Variants in ERICH3 observed in about 807,000 individuals in gnomAD.
ERICH3 encodes glutamate-rich protein 3.
ERICH3 carries 126 observed loss-of-function variants against 131.1 expected under a neutral mutation model. The ratio of observed to expected loss-of-function variants is 0.96; its 90% CI spans 0.83 to 1.11. The LOEUF is 1.11. Ranked by LOEUF, ERICH3 falls within the 50% of genes most tolerant of loss-of-function variation. ERICH3 has a pLI of 0.00. For missense variants in ERICH3, 2,050 were observed against 1,810.7 expected (o/e 1.13, Z -2.40); for synonymous variants, 695 against 644.6 (o/e 1.08, Z -1.18).
chr1:74,655,892 C>T (rs531030530), intron 1 of ERICH3, among the ~76,000 whole-genome samples: 17 of 152,268 alleles, frequency 1.1e-4, no homozygotes. Context: ...ATTTATTTCT[C>T]ACAATACTGG....
chr1:74,640,771 G>T (rs1271711669), intron 5 of ERICH3, among the ~76,000 whole-genome samples: 1 of 152,072 alleles, frequency 6.6e-6, no homozygotes, highest in South Asian at 2.1e-4. Flanking sequence ...TTTAGAGTAT[G>T]TGCACAGACT....
intron 12 of ERICH3, among the ~76,000 whole-genome samples, chr1:74,581,554 G>A (rs1006530434): frequency 6.6e-6 from 1 of 152,054 alleles, no homozygotes; most frequent in African/African-American, 2.4e-5. Flanking sequence ...TTTTTCTGGT[G>A]AGAGTTAATT....
At chr1:74,573,849 G>A (rs977423769) in intron 13 of ERICH3, among the ~76,000 whole-genome samples, 1 of 151,750 alleles carries the variant, frequency 6.6e-6, no homozygotes, top group African/African-American at 2.4e-5. Flanking sequence ...TCTTTCTCTT[G>A]GCTTCCTCTT....
intron 1 of ERICH3, among the ~76,000 whole-genome samples, chr1:74,668,693 A>G (rs1454303102): frequency 6.6e-6 from 1 of 152,202 alleles, no homozygotes; most frequent in Non-Finnish European, 1.5e-5. Flanking sequence ...ATATACATAT[A>G]TATATTTAAA....
intron 8 of ERICH3, among the ~76,000 whole-genome samples, chr1:74,617,812 G>T (rs1343509642): frequency 6.6e-6 from 1 of 152,132 alleles, no homozygotes; most frequent in Non-Finnish European, 1.5e-5. Flanking sequence ...TGAATTATAT[G>T]CTTACAATGA....
chr1:74,582,277 C>T (rs1187275918), intron 12 of ERICH3, among the ~76,000 whole-genome samples: 1 of 152,156 alleles, frequency 6.6e-6, no homozygotes, highest in Non-Finnish European at 1.5e-5. Context: ...GAGGATGCTC[C>T]TCTTTCTCAT....
At chr1:74,636,529 T>C (rs1473492168) in intron 5 of ERICH3, 91 bp from the exon 6 acceptor site, 15 of 1,267,462 alleles carry the variant, frequency 1.2e-5, no homozygotes, top group Non-Finnish European at 1.6e-5. Flanking sequence ...CCTAGAGTAA[T>C]TAATGGTGCC....
intron 13 of ERICH3, among the ~76,000 whole-genome samples, chr1:74,574,295 T>C (rs1253987394): frequency 6.6e-6 from 1 of 152,170 alleles, no homozygotes; most frequent in African/African-American, 2.4e-5. Context: ...CTGAACTCAT[T>C]ATTTTCTGTA....
At chr1:74,617,888 A>G (rs190395556) in intron 8 of ERICH3, among the ~76,000 whole-genome samples, 16 of 152,340 alleles carry the variant, frequency 1.1e-4, no homozygotes, top group Non-Finnish European at 1.6e-4. Flanking sequence ...AAAAAAGTCA[A>G]TGATAAAAGA....
At position 74,673,611 on chromosome 1, in the gene ERICH3, G is replaced by A. The variant is rs1646762443; in HGVS notation, c.-92C>T. On this transcript the variant is annotated 5_prime_UTR_variant, in exon 1 of 15. Coordinates refer to ENST00000326665, the MANE Select transcript of ERICH3 (RefSeq NM_001002912.5). ...CTGGCGCTGCGACAGTCGCGCTCGA[G>A]GGGTGGCTCCGCACCGAGGTCCCCT... 6.8e-7 allele frequency: 1 copy of A among 1,466,156 alleles called. No individual in the cohort carries two copies. Among genetic ancestry groups the A allele is most frequent in the African/African-American group, 1.4e-5 (1 of 69,430 alleles). The allele number at this position is 1,466,156 out of a possible 1,614,324, so 90.8% of individuals were successfully genotyped here.
intron 10 of ERICH3, among the ~76,000 whole-genome samples, chr1:74,604,129 A>C (rs1227058087): frequency 6.6e-6 from 1 of 151,936 alleles, no homozygotes; most frequent in Non-Finnish European, 1.5e-5. Flanking sequence ...CATTTCAACA[A>C]TGTTCATGGC....
chr1:74,667,350 G>C (rs1052983566), intron 1 of ERICH3, among the ~76,000 whole-genome samples: 1 of 152,140 alleles, frequency 6.6e-6, no homozygotes, highest in African/African-American at 2.4e-5. Context: ...TATTTAAACT[G>C]ACTGACATGT....
chr1:74,571,123 C>G lies in ERICH3; in HGVS notation c.4587G>C (p.Gln1529His), dbSNP rs1430593936. The change falls in exon 14 of 15, where the codon CAG (glutamine) becomes CAC (histidine). Residue 1529 changes from glutamine to histidine, a missense_variant. Transcript: ENST00000326665. Reference protein sequence around the residue: ...ETADVSPNNVQV With the variant: ...ETADVSPNNVHV ...CTGTCTGCCAGCAAGTCTCCTAGAC[C>G]TGCACGTTGTTGGGGGAAACATCTG... 3 of 1,612,856 alleles carry G rather than the reference C, an allele frequency of 1.9e-6. No homozygotes were observed. The highest frequency in any genetic ancestry group is 2.5e-6 in the Non-Finnish European group (3 of 1,179,442).
intron 1 of ERICH3, among the ~76,000 whole-genome samples, chr1:74,669,195 T>C (rs539332422): frequency 1.8e-4 from 27 of 152,344 alleles, no homozygotes; most frequent in African/African-American, 6.3e-4. Flanking sequence ...TTCAGTGTAC[T>C]CTGTCATTAC....
intron 7 of ERICH3, among the ~76,000 whole-genome samples, chr1:74,628,712 C>G (rs957222170): frequency 4.0e-5 from 6 of 149,772 alleles, no homozygotes; most frequent in African/African-American, 1.5e-4. Flanking sequence ...CACACACACA[C>G]AGACACACTA....
chr1:74,637,396 G>C (rs1295637807), intron 5 of ERICH3, among the ~76,000 whole-genome samples: 1 of 152,038 alleles, frequency 6.6e-6, no homozygotes, highest in Non-Finnish European at 1.5e-5. Flanking sequence ...GCTGACCCTA[G>C]CATGCTTAGC....
intron 10 of ERICH3, 27 bp from the exon 11 acceptor site, chr1:74,599,958 G>T: frequency 6.5e-7 from 1 of 1,527,174 alleles, no homozygotes; most frequent in Non-Finnish European, 8.9e-7. Flanking sequence ...TCCACTATAA[G>T]AATGAAAATA....
chr1:74,593,793 G>C (rs1406279981), intron 11 of ERICH3, among the ~76,000 whole-genome samples: 2 of 152,218 alleles, frequency 1.3e-5, no homozygotes, highest in Admixed American at 6.5e-5. Flanking sequence ...AGGTTCAACA[G>C]TACCCAATGT....
intron 9 of ERICH3, among the ~76,000 whole-genome samples, chr1:74,608,963 A>T (rs1438275467): frequency 1.3e-5 from 2 of 152,044 alleles, no homozygotes; most frequent in African/African-American, 4.8e-5. Context: ...CTGCATGCAC[A>T]GACTTTTTAT....
Sources: gnomAD v4.1 joint callset for allele counts (sites outside exome capture counted in the v4.1 genomes callset) on GRCh38, gnomAD v4.1.1 for gene constraint, MANE v1.5 for transcripts, NCBI Gene and HGNC (gene_info 2026-07-23, HGNC 2026-07-21) for gene names.